Variants in TROAP observed in about 807,000 individuals in gnomAD.
TROAP encodes the protein tastin.
Under a neutral mutation model 83.4 loss-of-function variants are expected in TROAP, and 62 were observed. The observed-to-expected ratio is 0.74, with a 90% CI of 0.61 to 0.92. The LOEUF (loss-of-function observed/expected upper bound fraction) is 0.92. TROAP is among the 40% of genes least tolerant of loss of function. The pLI is 0.00. For missense variants in TROAP, 876 were observed against 985.1 expected, an observed-to-expected ratio of 0.89 and a Z score of 1.48; for synonymous variants, 352 against 386.4, an observed-to-expected ratio of 0.91 and a Z score of 1.04.
chr12:49,324,082 G>C, intron 3 of TROAP, 45 bp downstream of exon 3: 1 of 1,612,384 alleles, frequency 6.2e-7, no homozygotes, highest in East Asian at 2.2e-5. Flanking sequence ...GGCTGAGTAG[G>C]GGACTAGGAA....
At chr12:49,326,306 G>T in intron 6 of TROAP, 148 bp downstream of exon 6, 1 of 805,278 alleles carries the variant, frequency 1.2e-6, no homozygotes, top group South Asian at 1.6e-5. Flanking sequence ...TGATTACCCG[G>T]GATGAGCCCT....
At chr12:49,324,702 C>G (rs1398511574) in intron 3 of TROAP, 1 of 152,630 alleles carries the variant, frequency 6.6e-6, no homozygotes, top group African/African-American at 2.4e-5. Flanking sequence ...CATAGTGAGA[C>G]CCCATCTCTT....
chr12:49,327,830 G>C (rs1943523652), intron 8 of TROAP, among the ~76,000 whole-genome samples: 2 of 152,134 alleles, frequency 1.3e-5, no homozygotes, highest in Non-Finnish European at 1.5e-5. Flanking sequence ...GGAGAATTGG[G>C]AGCAGGGGAG....
At chr12:49,324,909 C>CTTT (rs891098022) in intron 3 of TROAP, among the ~76,000 whole-genome samples, 39 of 112,538 alleles carry the variant, frequency 3.5e-4, no homozygotes, top group African/African-American at 1.0e-3. Context: ...TGTTTTCTTT[C>CTTT]TTTTTTTTTT....
At position 49,323,813 on chromosome 12, in the gene TROAP, C is replaced by A. The variant is rs769079637; in HGVS notation, c.145-32C>A. On this transcript the variant is annotated intron_variant, in intron 2 of 14. Transcript: ENST00000257909. ...ACCAGTAATGCACCCCAACACTAAA[C>A]CTCACCTTTTTGTCCCCGCTCCCTC... 35 of 1,613,796 alleles carry A rather than the reference C, an allele frequency of 2.2e-5. No individual in the cohort carries two copies. In the Admixed American group the frequency reaches 2.3e-4, roughly 11 times the overall value.
chr12:49,327,234 C>T lies in TROAP; in HGVS notation c.795C>T (p.Arg265=), dbSNP rs755361126. The T allele has an allele frequency of 1.5e-5, 24 of 1,614,136 alleles. No individual in the cohort carries two copies. The highest frequency in any genetic ancestry group is 6.7e-5 in the Admixed American group (4 of 60,016). ...QPAFSLPKGE[R]EVVTHSDEGG... is the part of the protein sequence containing the mutation. The stretch of plus-strand genomic sequence containing the variant: ...CTTTCTCTCTTCCTAAAGGAGAACG[C>T]GAGGTTGTCACTCACTCAGATGAAG... Residue 265 remains arginine (R), a synonymous_variant, in exon 8 of 15, where the codon CGC becomes CGT. Coordinates refer to ENST00000257909, the MANE Select transcript of TROAP (RefSeq NM_005480.4).
In TROAP at chr12:49,323,584, C is replaced by T. The variant is rs1385174674; in HGVS notation, c.-5-20C>T. 2 of 1,609,596 alleles carry T rather than the reference C, an allele frequency of 1.2e-6. No homozygotes were observed. Among genetic ancestry groups the T allele is most frequent in the Non-Finnish European group, 1.7e-6 (2 of 1,176,622 alleles). ...TTTGATCTTAGATTCTGCCTGCCTT[C>T]TTCCCCGTCTCAATTGTAGCCATCA... On this transcript the variant is annotated intron_variant, in intron 1 of 14. Transcript: ENST00000257909.
Position 49,329,162 on chromosome 12 carries a change from C to T in TROAP, c.1022C>T (p.Thr341Ile), listed in dbSNP as rs1368247179. 2 of 1,614,200 alleles carry T rather than the reference C, an allele frequency of 1.2e-6. No individual in the cohort carries two copies. The highest frequency in any genetic ancestry group is 1.7e-6 in the Non-Finnish European group (2 of 1,180,042). The change falls in exon 10 of 15, where the codon ACC (threonine) becomes ATC (isoleucine). Residue 341 changes from threonine to isoleucine, a missense_variant and splice_region_variant. Around this residue, in one of 3 missense-constraint regions of TROAP, gnomAD observed 689 missense variants for 722.6 expected, o/e 0.95. Transcript: ENST00000257909. This position sits in a 1 kb window ranked among gnomAD's most constrained non-coding sequence, Gnocchi z 4.5. ...TCAGCCACCCACATCTCTCCCCAGACCTCATATTCAGTGTTGCGGCGTCTC... is the reference window on the plus strand; with the variant it reads ...TCAGCCACCCACATCTCTCCCCAGATCTCATATTCAGTGTTGCGGCGTCTC... ...RVPSPGPPTLTSYSVLRRLTV... is the reference protein window; with the variant it reads ...RVPSPGPPTLISYSVLRRLTV...
Position 49,325,578 on chromosome 12 carries a change from T to C in TROAP, c.415T>C (p.Cys139Arg). The change falls in exon 4 of 15, where the codon TGT becomes CGT. Residue 139 changes from cysteine (C) to arginine (R), a missense_variant. Transcript: ENST00000257909. Reference protein sequence around the residue: ...TILSGEGVKSCHLGRQPSLAK... With the variant: ...TILSGEGVKSRHLGRQPSLAK... ...CCTGTCAGGTGAGGGTGTGAAGAGC[T>C]GTCACCTGGGGCGCCAGCCTAGTCT... is the stretch of plus-strand genomic sequence containing the variant. 1 of 1,614,000 alleles carries C rather than the reference T, an allele frequency of 6.2e-7. No homozygotes were observed. Among genetic ancestry groups the C allele is most frequent in the East Asian group, 2.2e-5 (1 of 44,862 alleles).
At position 49,330,193 on chromosome 12, in the gene TROAP, G is replaced by C; in HGVS notation, c.1348G>C (p.Val450Leu). Residue 450 changes from valine (V) to leucine (L), a missense_variant, in exon 13 of 15, where the codon GTA (valine) becomes CTA (leucine). Val to Leu is a conservative substitution (Grantham distance 32, BLOSUM62 1). Transcript: ENST00000257909. ...GTTGAGACAGGAAGTAGAGGGGCTGGTAGGGGGCCAGTGTGTCCCTCTTAA... is the reference window on the plus strand; with the variant it reads ...GTTGAGACAGGAAGTAGAGGGGCTGCTAGGGGGCCAGTGTGTCCCTCTTAA... ...QLLRQEVEGL[V>L]GGQCVPLNGG... 1.2e-6 allele frequency: 2 copies of C among 1,614,018 alleles called. No homozygotes were observed. Among genetic ancestry groups the C allele is most frequent in the Non-Finnish European group, 1.7e-6 (2 of 1,179,928 alleles).
At chr12:49,325,387 G>T in intron 3 of TROAP, 114 bp from the exon 4 acceptor site, 1 of 1,032,572 alleles carries the variant, frequency 9.7e-7, no homozygotes, top group Non-Finnish European at 1.3e-6. Context: ...AAAAAAATAA[G>T]CCAAATTCAA....
At chr12:49,328,860 T>A in intron 8 of TROAP, 67 bp from the exon 9 acceptor site, 1 of 1,495,578 alleles carries the variant, frequency 6.7e-7, no homozygotes, top group Non-Finnish European at 8.9e-7. Context: ...CGAGACTCCG[T>A]ATCAAAAAAA....
chr12:49,330,373 G>A lies in TROAP; in HGVS notation c.1528G>A (p.Gly510Arg), dbSNP rs756830355. The A allele has an allele frequency of 6.2e-6, 10 of 1,614,140 alleles. No homozygotes were observed. The highest frequency in any genetic ancestry group is 1.6e-4 in the Middle Eastern group (1 of 6,062). Residue 510 changes from glycine to arginine, a missense_variant, in exon 13 of 15, where the codon GGG becomes AGG. By Grantham distance (125) the Gly-to-Arg change is moderately radical. Transcript: ENST00000257909. ...AAAGCCCTGTCTTCCAGAGGAGTGC[G>A]GGGAACCACAGCCCTGCCCTCCGGC... ...LPKPCLPEEC[G>R]EPQPCPPAEP...
Position 49,323,686 on chromosome 12 carries a change from T to C in TROAP, c.78T>C (p.Ser26=). Residue 26 remains serine (S), a synonymous_variant, in exon 2 of 15, where the codon TCT becomes TCC. Transcript: ENST00000257909. ...CCCCTAGCAAGATTCCGGTACGCTCTCAGAAACGCACGCCTTTCCCCACTG... is the reference window on the plus strand; with the variant it reads ...CCCCTAGCAAGATTCCGGTACGCTCCCAGAAACGCACGCCTTTCCCCACTG... ...SPTPSKIPVR[S]QKRTPFPTVT... 8.1e-6 allele frequency: 13 copies of C among 1,614,094 alleles called. No homozygotes were observed. Among genetic ancestry groups the C allele is most frequent in the Non-Finnish European group, 1.1e-5 (13 of 1,180,022 alleles).
Position 49,331,234 on chromosome 12 carries a change from C to T in TROAP, c.2119C>T (p.Arg707Ter), listed in dbSNP as rs368410319. ...CTCAGGCCTCAGCAATCTGGCCCCT[C>T]GAACCCTAGCCCTGAGGGAGCGCCT... ...GQAGLSNLAPRTLALRERLKS... is the reference protein window; with the variant it reads ...GQAGLSNLAP The change falls in exon 14 of 15, where the codon CGA becomes TGA. Residue 707 changes from arginine (R) to a stop codon, truncating the protein, a stop_gained. Transcript: ENST00000257909. LOFTEE classifies it high-confidence loss of function. 4.3e-6 allele frequency: 7 copies of T among 1,614,088 alleles called. No individual in the cohort carries two copies. The highest frequency in any genetic ancestry group is 1.3e-5 in the African/African-American group (1 of 74,924).
intron 6 of TROAP, 135 bp downstream of exon 6, chr12:49,326,293 C>T: frequency 2.3e-6 from 2 of 866,962 alleles, no homozygotes; most frequent in Non-Finnish European, 3.7e-6. Flanking sequence ...AGCAAGAAAC[C>T]TGTGATTACC....
intron 8 of TROAP, among the ~76,000 whole-genome samples, chr12:49,328,178 G>C (rs535925065): frequency 4.0e-5 from 6 of 151,696 alleles, no homozygotes; most frequent in Non-Finnish European, 8.8e-5. Context: ...ATGGGGAGAG[G>C]GGTTGATCAA....
At position 49,323,325 on chromosome 12, in the gene TROAP, G is replaced by A; in HGVS notation, c.-30G>A. 2.7e-6 allele frequency: 1 copy of A among 375,502 alleles called. No individual in the cohort carries two copies. The highest frequency in any genetic ancestry group is 4.8e-6 in the Non-Finnish European group (1 of 207,830). 23.3% of individuals were successfully genotyped at this position (375,502 alleles called of 1,614,324 possible). A position where few individuals can be genotyped will look rare whatever the true frequency, so the allele number is the denominator to read the frequency against. On this transcript the variant is annotated 5_prime_UTR_variant, in exon 1 of 15. Coordinates refer to ENST00000257909, the MANE Select transcript of TROAP (RefSeq NM_005480.4). ...TCAGGAGAAAAGCGGAGGAAGCTGG[G>A]TAGGCCCTGAGGGGCCTCGGTAAGG...
intron 3 of TROAP, among the ~76,000 whole-genome samples, 200 bp from the exon 4 acceptor site, chr12:49,325,301 C>T (rs1219235603): frequency 4.6e-5 from 7 of 151,804 alleles, no homozygotes; most frequent in Non-Finnish European, 8.8e-5. Context: ...GGTGATCCAC[C>T]CGCCTCGGCC....
Sources: gnomAD v4.1 joint callset for allele counts (sites outside exome capture counted in the v4.1 genomes callset) on GRCh38, gnomAD v4.1.1 for gene constraint, gnomAD v4.1.1 regional missense constraint, Gnocchi (gnomAD v3.1) non-coding constraint, MANE v1.5 for transcripts, NCBI Gene and HGNC (gene_info 2026-07-23, HGNC 2026-07-21) for gene names.